Variants in STRBP observed in about 807,000 individuals in gnomAD.
STRBP encodes spermatid perinuclear RNA binding protein, also known as spermatid perinuclear RNA-binding protein.
In STRBP, 13 loss-of-function variants were observed where a neutral mutation model predicts 80.1. The observed-to-expected ratio is 0.16, with a 90% CI of 0.11 to 0.26. The LOEUF is 0.26. Among genes scored for constraint, STRBP ranks in the 10% least tolerant of loss-of-function variants. The pLI, the probability that STRBP is intolerant of heterozygous loss-of-function variation, is 1.00. For synonymous variants in STRBP, 284 were observed against 291.2 expected (o/e 0.98, Z 0.25); for missense variants, 485 against 815.2 (o/e 0.59, Z 4.93).
At chr9:123,149,008 T>C (rs1457870171) in intron 11 of STRBP, among the ~76,000 whole-genome samples, 1 of 152,202 alleles carries the variant, frequency 6.6e-6, no homozygotes, top group African/African-American at 2.4e-5. Context: ...TTAAAAATTA[T>C]TAGAGAAAAG....
intron 2 of STRBP, among the ~76,000 whole-genome samples, chr9:123,227,259 A>G (rs1427206651): frequency 6.6e-6 from 1 of 152,234 alleles, no homozygotes; most frequent in African/African-American, 2.4e-5. Context: ...AATTAAAGGT[A>G]ACCAGGGTAA....
intron 3 of STRBP, chr9:123,111,461 G>A (rs144022830): frequency 0.011 from 3,555 of 331,448 alleles, 18 homozygotes; most frequent in Middle Eastern, 0.021. Flanking sequence ...AAATATTTAG[G>A]TTAGAGTCAA....
At chr9:123,263,524 CAAAAAAAAAAA>C (rs775297049) in intron 1 of STRBP, among the ~76,000 whole-genome samples, 1 of 64,226 alleles carries the variant, frequency 1.6e-5, no homozygotes. Flanking sequence ...GACCCTGTCT[CAAAAAAAAAAA>C]AAAAAAAAAA....
intron 6 of STRBP, among the ~76,000 whole-genome samples, chr9:123,168,569 G>C (rs973556334): frequency 3.9e-5 from 6 of 152,128 alleles, no homozygotes; most frequent in Non-Finnish European, 8.8e-5. Context: ...TTATCACCAA[G>C]TTGAAATAAA....
chr9:123,160,770 G>A (rs181501703), intron 7 of STRBP, among the ~76,000 whole-genome samples: 2 of 152,180 alleles, frequency 1.3e-5, no homozygotes, highest in African/African-American at 4.8e-5. Flanking sequence ...AGAATACTAA[G>A]CCAAAAAGAA....
chr9:123,127,633 T>C (rs1225842220), intron 18 of STRBP, among the ~76,000 whole-genome samples: 1 of 152,220 alleles, frequency 6.6e-6, no homozygotes, highest in Non-Finnish European at 1.5e-5. Context: ...GAGAAACACC[T>C]ATGATATTCT....
chr9:123,265,740 A>G (rs1255191479), intron 1 of STRBP, among the ~76,000 whole-genome samples: 1 of 152,238 alleles, frequency 6.6e-6, no homozygotes, highest in South Asian at 2.1e-4. Flanking sequence ...CGCCCAACCC[A>G]TAAGTGTCTT....
intron 2 of STRBP, among the ~76,000 whole-genome samples, chr9:123,188,376 C>G (rs1588069440): frequency 6.6e-6 from 1 of 152,086 alleles, no homozygotes; most frequent in South Asian, 2.1e-4. Context: ...TGCGGTGGCT[C>G]ACGTCTGTTA....
intron 1 of STRBP, among the ~76,000 whole-genome samples, chr9:123,239,057 T>A (rs976385086): frequency 4.6e-5 from 7 of 152,130 alleles, no homozygotes; most frequent in African/African-American, 1.7e-4. Context: ...AAAATAAAAA[T>A]ACATAAAATA....
intron 16 of STRBP, among the ~76,000 whole-genome samples, chr9:123,133,403 GA>G (rs1190495631): frequency 2.0e-5 from 3 of 152,128 alleles, no homozygotes; most frequent in African/African-American, 7.2e-5. Context: ...AAACATAAAG[GA>G]CTAAGACAGG....
chr9:123,221,656 C>A (rs1045416848), intron 2 of STRBP, among the ~76,000 whole-genome samples: 1 of 152,182 alleles, frequency 6.6e-6, no homozygotes, highest in African/African-American at 2.4e-5. Flanking sequence ...AATACTTCAG[C>A]GTCTTTTTTA....
At chr9:123,255,778 C>T (rs1305993274) in intron 1 of STRBP, among the ~76,000 whole-genome samples, 8 of 152,154 alleles carry the variant, frequency 5.3e-5, no homozygotes, top group Admixed American at 4.6e-4. Context: ...AAAGAGAATA[C>T]TAATTTTCTT....
At chr9:123,260,404 C>A (rs991389003) in intron 1 of STRBP, among the ~76,000 whole-genome samples, 1 of 152,164 alleles carries the variant, frequency 6.6e-6, no homozygotes, top group Non-Finnish European at 1.5e-5. Flanking sequence ...TGCCAAGAAC[C>A]TTTGTGTTAA....
rs745570237 is a variant in STRBP at position 123,160,451 on chromosome 9, A to G, written c.639T>C (p.Asn213=). The change falls in exon 8 of 19, where the codon AAT becomes AAC. Residue 213 remains asparagine (N), a synonymous_variant. Coordinates refer to ENST00000348403, the MANE Select transcript of STRBP (RefSeq NM_018387.5). ...RHAKWFQARA[N]GLKSCVIVLR... is the part of the protein sequence containing the mutation. ...GGACAATTACACATGATTTTAATCC[A>G]TTTGCCCTTGCCTAAAACAAACAAA... The G allele has an allele frequency of 1.3e-6, 2 of 1,596,738 alleles. No homozygotes were observed. Among genetic ancestry groups the G allele is most frequent in the South Asian group, 2.3e-5 (2 of 88,726 alleles).
chr9:123,257,299 C>T (rs2041053822), intron 1 of STRBP, among the ~76,000 whole-genome samples: 1 of 152,094 alleles, frequency 6.6e-6, no homozygotes. Context: ...GCTGATACTA[C>T]ACACTACACA....
At chr9:123,188,979 A>G (rs2038811369) in intron 2 of STRBP, among the ~76,000 whole-genome samples, 1 of 152,182 alleles carries the variant, frequency 6.6e-6, no homozygotes, top group African/African-American at 2.4e-5. Context: ...AAATTAGAAA[A>G]AGACACCTCA....
At chr9:123,198,474 A>T (rs978997749) in intron 2 of STRBP, among the ~76,000 whole-genome samples, 2 of 150,932 alleles carry the variant, frequency 1.3e-5, no homozygotes, top group African/African-American at 2.4e-5. Flanking sequence ...TTTTTTCTTG[A>T]TTTGAGTTCC....
intron 6 of STRBP, among the ~76,000 whole-genome samples, chr9:123,169,264 G>C (rs2037905823): frequency 6.6e-6 from 1 of 151,768 alleles, no homozygotes; most frequent in South Asian, 2.1e-4. Flanking sequence ...CGCTTCCTGG[G>C]TTCAAGCAAT....
rs1191781962 is a variant in STRBP at position 123,173,556 on chromosome 9, C to A, written c.390+121G>T. 3 of 999,750 alleles carry A rather than the reference C, an allele frequency of 3.0e-6. No homozygotes were observed. The South Asian group carries it at 5.3e-5, about 18-fold the overall frequency. 61.9% of individuals were successfully genotyped at this position (999,750 alleles called of 1,614,324 possible). A position where few individuals can be genotyped will look rare whatever the true frequency, so the allele number is the denominator to read the frequency against. On this transcript the variant is annotated intron_variant, in intron 5 of 18. Coordinates refer to ENST00000348403, the MANE Select transcript of STRBP (RefSeq NM_018387.5). ...TAGTCATTGACCCAGAGTAGCAGTA[C>A]TCATTTTGTCTGTGTCTATCCTATT...
Sources: gnomAD v4.1 joint callset for allele counts (sites outside exome capture counted in the v4.1 genomes callset) on GRCh38, gnomAD v4.1.1 for gene constraint, MANE v1.5 for transcripts, NCBI Gene and HGNC (gene_info 2026-07-23, HGNC 2026-07-21) for gene names.